Variants in CFAP97 observed in about 807,000 individuals in gnomAD.
The protein encoded by CFAP97 is cilia and flagella associated protein 97, also known as cilia- and flagella-associated protein 97.
Under a neutral mutation model 43.1 loss-of-function variants are expected in CFAP97, and 36 were observed. The ratio of observed to expected loss-of-function variants is 0.84; its 90% CI spans 0.64 to 1.10. The LOEUF (loss-of-function observed/expected upper bound fraction) is 1.10, where lower values mean the gene tolerates loss of function less well. Ranked by LOEUF, CFAP97 falls within the 50% of genes least tolerant of loss-of-function variation. CFAP97 has a pLI of 0.00. For synonymous variants in CFAP97, 228 were observed against 225.7 expected (o/e 1.01, Z -0.09); for missense variants, 657 against 620.3 (o/e 1.06, Z -0.63).
At chr4:185,178,360 G>A (rs1018847461) in intron 2 of CFAP97, among the ~76,000 whole-genome samples, 5 of 146,784 alleles carry the variant, frequency 3.4e-5, no homozygotes, top group African/African-American at 1.3e-4. Flanking sequence ...CGATTGTCCT[G>A]CCTCAGCCTC....
At chr4:185,199,562 C>T (rs374952066) in intron 1 of CFAP97, among the ~76,000 whole-genome samples, 1 of 150,954 alleles carries the variant, frequency 6.6e-6, no homozygotes, top group Non-Finnish European at 1.5e-5. Flanking sequence ...CTCAGCTACT[C>T]GGGAGGCTGA....
chr4:185,188,453 A>G (rs975214043), intron 2 of CFAP97, among the ~76,000 whole-genome samples: 1 of 149,114 alleles, frequency 6.7e-6, no homozygotes, highest in African/African-American at 2.5e-5. Context: ...AGCAATTCTC[A>G]TGCCTCAGCC....
At chr4:185,205,657 C>T (rs937606406), upstream of CFAP97, among the ~76,000 whole-genome samples, 1 of 151,972 alleles carries the variant, frequency 6.6e-6, no homozygotes. Flanking sequence ...GGTGAAACTC[C>T]GTCTCTACTA....
intron 2 of CFAP97, among the ~76,000 whole-genome samples, chr4:185,186,095 T>C (rs1393252101): frequency 2.6e-5 from 4 of 152,158 alleles, no homozygotes; most frequent in Non-Finnish European, 5.9e-5. Flanking sequence ...AAAAGTTAAC[T>C]GAGATTAATT....
At chr4:185,206,489 T>G (rs1274693629), upstream of CFAP97, among the ~76,000 whole-genome samples, 1 of 52,458 alleles carries the variant, frequency 1.9e-5, no homozygotes, top group South Asian at 5.7e-4. Flanking sequence ...ATGAACCCCA[T>G]CTCACTAAAA....
At chr4:185,162,947 A>G (rs2111306902) in intron 4 of CFAP97, 22 bp from the exon 5 acceptor site, 2 of 1,515,400 alleles carry the variant, frequency 1.3e-6, no homozygotes. Flanking sequence ...AAAAGAAGAA[A>G]TATCTGAGAA....
intron 3 of CFAP97, chr4:185,169,552 GA>G (rs1735209917): frequency 1.1e-6 from 1 of 930,814 alleles, no homozygotes; most frequent in Non-Finnish European, 1.3e-6. Flanking sequence ...ACAGCAGTAT[GA>G]AAATGGACTA....
At chr4:185,171,985 C>T (rs1009211609) in intron 3 of CFAP97, among the ~76,000 whole-genome samples, 1 of 152,250 alleles carries the variant, frequency 6.6e-6, no homozygotes, top group African/African-American at 2.4e-5. Flanking sequence ...GGCAACCCTC[C>T]TGCCCTGGCC....
intron 2 of CFAP97, among the ~76,000 whole-genome samples, chr4:185,187,558 G>A (rs1387926321): frequency 6.6e-6 from 1 of 151,750 alleles, no homozygotes; most frequent in Non-Finnish European, 1.5e-5. Flanking sequence ...GAGAAGCAGA[G>A]CCCTCTGCAA....
intron 3 of CFAP97, among the ~76,000 whole-genome samples, chr4:185,171,043 T>C (rs893635309): frequency 7.0e-6 from 1 of 143,692 alleles, no homozygotes; most frequent in African/African-American, 2.5e-5. Context: ...AATTCATACA[T>C]GCCTTTTATT....
intron 1 of CFAP97, among the ~76,000 whole-genome samples, chr4:185,201,151 T>C (rs1736804190): frequency 6.6e-6 from 1 of 151,682 alleles, no homozygotes; most frequent in South Asian, 2.1e-4. Flanking sequence ...TGGTGAAACC[T>C]CATCTCTACT....
chr4:185,203,738 G>T (rs1309757600), intron 1 of CFAP97, 160 bp downstream of exon 1: 1 of 152,098 alleles, frequency 6.6e-6, no homozygotes, highest in Non-Finnish European at 1.5e-5. Context: ...CGCCCCTGTC[G>T]TGGGGGCGCG....
At chr4:185,208,833 C>T (rs886089698), upstream of CFAP97, among the ~76,000 whole-genome samples, 4 of 152,166 alleles carry the variant, frequency 2.6e-5, no homozygotes, top group Non-Finnish European at 4.4e-5. Context: ...CAGTAATTGC[C>T]AGTGTTTAAG....
Position 185,190,855 on chromosome 4 carries a change from C to G in CFAP97, c.342G>C (p.Val114=). ...TTTTGGGAATTCTATTTGGAATGGA[C>G]ACGTGTATTTTAAGTCCTGTTGTAA... ...CDVTTGLKIH[V]SIPNRIPKIV... Residue 114 remains valine (V), a synonymous_variant, in exon 2 of 5, where the codon GTG becomes GTC. Transcript: ENST00000458385. 1 of 1,611,272 alleles carries G rather than the reference C, an allele frequency of 6.2e-7. No individual in the cohort carries two copies. The highest frequency in any genetic ancestry group is 1.3e-5 in the African/African-American group (1 of 75,022).
chr4:185,208,871 G>A (rs996386817), upstream of CFAP97, among the ~76,000 whole-genome samples: 1 of 152,214 alleles, frequency 6.6e-6, no homozygotes, highest in African/African-American at 2.4e-5. Flanking sequence ...CTTAGCAAGC[G>A]TTATCTGTAT....
chr4:185,196,195 C>T (rs1736534963), intron 1 of CFAP97, among the ~76,000 whole-genome samples: 1 of 152,040 alleles, frequency 6.6e-6, no homozygotes, highest in Non-Finnish European at 1.5e-5. Flanking sequence ...CATTATAGGC[C>T]AGGTGCAGTG....
At chr4:185,173,716 A>G (rs75715980) in intron 3 of CFAP97, among the ~76,000 whole-genome samples, 9,037 of 152,222 alleles carry the variant, frequency 0.059, 403 homozygotes, top group South Asian at 0.19. Flanking sequence ...AGCAGACTAG[A>G]TGCCCTTAGA....
chr4:185,187,988 C>T (rs1736076460), intron 2 of CFAP97, among the ~76,000 whole-genome samples: 1 of 152,042 alleles, frequency 6.6e-6, no homozygotes, highest in Non-Finnish European at 1.5e-5. Context: ...CCTCCACCTC[C>T]TGGGTTCAAG....
At chr4:185,167,998 C>T (rs1420012767) in intron 3 of CFAP97, among the ~76,000 whole-genome samples, 4 of 54,722 alleles carry the variant, frequency 7.3e-5, no homozygotes, top group African/African-American at 2.1e-4. Context: ...GACTCCTTCT[C>T]AAAAAAAAAA....
Sources: allele counts gnomAD v4.1 joint callset (sites outside exome capture counted in the v4.1 genomes callset), GRCh38; gene constraint gnomAD v4.1.1; transcripts MANE v1.5; gene names NCBI Gene and HGNC (gene_info 2026-07-23, HGNC 2026-07-21).